C7orf78: variants seen among roughly 807,000 people sequenced by gnomAD.
C7orf78 encodes the protein putative uncharacterized protein C7orf78.
the C7orf78 span, among the ~76,000 whole-genome samples, chr7:12,511,918 ATTTTTTTTTTTTTTTT>A: frequency 1.2e-4 from 10 of 80,578 alleles, no homozygotes; most frequent in South Asian, 4.8e-4. Context: ...CACCTGGCTA[ATTTTTTTTTTTTTTTT>A]TTTTTTTTTT....
the C7orf78 span, among the ~76,000 whole-genome samples, chr7:12,531,582 T>C: frequency 6.6e-6 from 1 of 152,218 alleles, no homozygotes. Flanking sequence ...TCTTCTTGAT[T>C]CAATTATTAC....
chr7:12,521,303 T>C, the C7orf78 span, among the ~76,000 whole-genome samples: 1 of 152,076 alleles, frequency 6.6e-6, no homozygotes. Context: ...CTTTCTTCCC[T>C]TCTCATTGTT....
chr7:12,527,752 G>C, the C7orf78 span, among the ~76,000 whole-genome samples: 1 of 148,712 alleles, frequency 6.7e-6, no homozygotes, highest in East Asian at 2.0e-4. Context: ...TATGCTATGT[G>C]TCACTCACTT....
the C7orf78 span, among the ~76,000 whole-genome samples, chr7:12,498,880 G>C: frequency 1.3e-5 from 2 of 151,536 alleles, no homozygotes; most frequent in African/African-American, 4.8e-5. Context: ...ACTAACAGAG[G>C]ATCTCTCGGC....
chr7:12,507,435 T>TGA, the C7orf78 span: 7 of 195,678 alleles, frequency 3.6e-5, no homozygotes, highest in South Asian at 1.2e-4. Context: ...CATCCAGTGA[T>TGA]GAGAGAGAGA....
the C7orf78 span, among the ~76,000 whole-genome samples, chr7:12,498,814 A>G: frequency 6.6e-6 from 1 of 150,518 alleles, no homozygotes; most frequent in Non-Finnish European, 1.5e-5. Flanking sequence ...GAAGGAAAAA[A>G]TGTTAAGGGC....
At chr7:12,532,136 A>T in the C7orf78 span, among the ~76,000 whole-genome samples, 22 of 152,204 alleles carry the variant, frequency 1.4e-4, no homozygotes, top group African/African-American at 4.8e-4. Flanking sequence ...GGTCCCAGGT[A>T]GTTATTTCCT....
chr7:12,539,528 A>ATTTAG, the C7orf78 span, among the ~76,000 whole-genome samples: 1 of 152,140 alleles, frequency 6.6e-6, no homozygotes, highest in Non-Finnish European at 1.5e-5. Context: ...TTTGGACAGA[A>ATTTAG]GAGAGGGTGA....
At chr7:12,525,980 T>C in the C7orf78 span, 1 of 392,632 alleles carries the variant, frequency 2.5e-6, no homozygotes, top group East Asian at 3.6e-5. Context: ...TTCATAGGCT[T>C]AAAACTAAAT....
At chr7:12,523,762 C>G in the C7orf78 span, among the ~76,000 whole-genome samples, 1 of 151,894 alleles carries the variant, frequency 6.6e-6, no homozygotes, top group African/African-American at 2.4e-5. Flanking sequence ...AGTTTATAAC[C>G]TACTACTAAT....
the C7orf78 span, among the ~76,000 whole-genome samples, chr7:12,527,831 G>T: frequency 3.3e-4 from 49 of 148,780 alleles, 3 homozygotes; most frequent in African/African-American, 1.2e-3. Context: ...TATGCTATGT[G>T]TCACTCACTT....
chr7:12,500,512 C>T, the C7orf78 span, among the ~76,000 whole-genome samples: 4 of 150,132 alleles, frequency 2.7e-5, no homozygotes, highest in African/African-American at 9.9e-5. Context: ...CACATACACT[C>T]TCCCAAGACT....
chr7:12,506,742 T>C, the C7orf78 span: 1 of 303,170 alleles, frequency 3.3e-6, no homozygotes, highest in Non-Finnish European at 6.3e-6. Context: ...TATACGTATG[T>C]AACAAACCTG....
At chr7:12,534,628 A>G in the C7orf78 span, among the ~76,000 whole-genome samples, 1 of 152,184 alleles carries the variant, frequency 6.6e-6, no homozygotes, top group South Asian at 2.1e-4. Flanking sequence ...GAACTCATGC[A>G]AATAAATAAG....
chr7:12,489,008 A>G, the C7orf78 span, among the ~76,000 whole-genome samples: 14,370 of 151,588 alleles, frequency 0.095, 839 homozygotes, highest in Non-Finnish European at 0.13. Flanking sequence ...ATTTGAAAGA[A>G]AAGACCATAG....
the C7orf78 span, among the ~76,000 whole-genome samples, chr7:12,508,930 CT>C: frequency 1.3e-5 from 2 of 152,306 alleles, no homozygotes; most frequent in African/African-American, 4.8e-5. Context: ...AAGCTCAAGG[CT>C]CCCACCAATT....
chr7:12,523,335 T>A, the C7orf78 span: 1 of 398,388 alleles, frequency 2.5e-6, no homozygotes, highest in South Asian at 1.3e-4. Flanking sequence ...TTTCCACATC[T>A]GGATTTACAA....
At chr7:12,509,879 C>T in the C7orf78 span, among the ~76,000 whole-genome samples, 1 of 151,880 alleles carries the variant, frequency 6.6e-6, no homozygotes, top group African/African-American at 2.4e-5. Context: ...GAGATCAGGA[C>T]AAAAATTAGC....
the C7orf78 span, among the ~76,000 whole-genome samples, chr7:12,492,942 C>T: frequency 6.6e-6 from 1 of 152,156 alleles, no homozygotes; most frequent in Non-Finnish European, 1.5e-5. Flanking sequence ...GTGGCTCATG[C>T]CTATAATCCC....
Sources: gnomAD v4.1 joint callset for allele counts (sites outside exome capture counted in the v4.1 genomes callset) on GRCh38, gnomAD v4.1.1 for gene constraint, MANE v1.5 for transcripts, NCBI Gene and HGNC (gene_info 2026-07-23, HGNC 2026-07-21) for gene names.